CLYBL: variants seen among roughly 807,000 people sequenced by gnomAD.
The protein encoded by CLYBL is citramalyl-CoA lyase, mitochondrial.
CLYBL carries 31 observed loss-of-function variants against 38.9 expected under a neutral mutation model. The observed-to-expected ratio is 0.80, with a 90% CI of 0.60 to 1.08. The LOEUF is 1.08. Among genes scored for constraint, CLYBL ranks in the 50% least tolerant of loss-of-function variants. CLYBL has a pLI of 0.00. For synonymous variants in CLYBL, 171 were observed against 158.6 expected (o/e 1.08, Z -0.59); for missense variants, 434 against 411.6 (o/e 1.05, Z -0.47).
chr13:99,817,864 C>T (rs536718157), intron 2 of CLYBL, among the ~76,000 whole-genome samples: 60 of 151,848 alleles, frequency 4.0e-4, no homozygotes, highest in African/African-American at 1.3e-3. Context: ...ATTAGTCGGG[C>T]GTGGTGGCAC....
At chr13:99,614,684 A>G (rs939145996) in intron 1 of CLYBL, among the ~76,000 whole-genome samples, 4 of 152,182 alleles carry the variant, frequency 2.6e-5, no homozygotes, top group African/African-American at 9.6e-5. Flanking sequence ...ACATACCGTT[A>G]TCCTGTGGTA....
At chr13:99,737,737 G>A (rs1488204282) in intron 1 of CLYBL, among the ~76,000 whole-genome samples, 3 of 152,208 alleles carry the variant, frequency 2.0e-5, no homozygotes, top group Admixed American at 1.3e-4. Context: ...CAGGTTCCTT[G>A]TTTGTCCCAT....
intron 2 of CLYBL, among the ~76,000 whole-genome samples, chr13:99,856,307 G>A (rs1385754227): frequency 6.6e-6 from 1 of 152,188 alleles, no homozygotes; most frequent in Non-Finnish European, 1.5e-5. Context: ...TTAGGAAGTT[G>A]ATGTTGCCAG....
At chr13:99,882,391 A>G (rs904242488) in intron 7 of CLYBL, among the ~76,000 whole-genome samples, 1 of 152,194 alleles carries the variant, frequency 6.6e-6, no homozygotes, top group Non-Finnish European at 1.5e-5. Context: ...GCGGTGGCTC[A>G]CAGCTATAAT....
chr13:99,908,353 C>G (rs567905532), exon 10 of CLYBL, among the ~76,000 whole-genome samples: 1 of 152,262 alleles, frequency 6.6e-6, no homozygotes, highest in East Asian at 1.9e-4. Context: ...GTTCCTGCTT[C>G]CAAGCAGCAT....
intron 2 of CLYBL, among the ~76,000 whole-genome samples, chr13:99,802,933 T>C (rs2050163841): frequency 6.6e-6 from 1 of 152,210 alleles, no homozygotes; most frequent in Non-Finnish European, 1.5e-5. Context: ...CTGGACACTC[T>C]GCAGGCAGGG....
At chr13:99,637,965 T>A (rs192307143) in intron 1 of CLYBL, among the ~76,000 whole-genome samples, 1 of 126,488 alleles carries the variant, frequency 7.9e-6, no homozygotes, top group African/African-American at 4.1e-5. Flanking sequence ...ACAGTGCCTT[T>A]TTTTTTTTTT....
intron 1 of CLYBL, among the ~76,000 whole-genome samples, chr13:99,768,186 C>CT (rs2049306434): frequency 4.8e-5 from 4 of 83,946 alleles, no homozygotes; most frequent in African/African-American, 9.0e-5. Flanking sequence ...CAAGTCTTTT[C>CT]TTTTTCTTTT....
intron 7 of CLYBL, among the ~76,000 whole-genome samples, chr13:99,873,571 C>T (rs2139265206): frequency 6.6e-6 from 1 of 152,134 alleles, no homozygotes; most frequent in Admixed American, 6.5e-5. Flanking sequence ...TAGAAATGAC[C>T]CAAGAAGGAA....
intron 2 of CLYBL, among the ~76,000 whole-genome samples, chr13:99,787,015 T>C (rs551824762): frequency 1.3e-5 from 2 of 152,180 alleles, no homozygotes. Context: ...CTTTTGAGAA[T>C]TGTCTGTTCA....
intron 1 of CLYBL, among the ~76,000 whole-genome samples, chr13:99,737,786 C>T (rs1268292343): frequency 6.6e-6 from 1 of 152,186 alleles, no homozygotes; most frequent in Non-Finnish European, 1.5e-5. Flanking sequence ...ATGTGCTAGG[C>T]TGTAAGCTGA....
intron 1 of CLYBL, among the ~76,000 whole-genome samples, chr13:99,696,626 G>GC (rs559859158): frequency 2.6e-5 from 4 of 152,124 alleles, no homozygotes; most frequent in Admixed American, 2.6e-4. Flanking sequence ...ATCCTAGGAG[G>GC]CCTAGACTTG....
At chr13:99,867,001 CGGG>C (rs1253746027) in intron 6 of CLYBL, among the ~76,000 whole-genome samples, 3 of 152,178 alleles carry the variant, frequency 2.0e-5, no homozygotes, top group African/African-American at 7.2e-5. Context: ...GGGGCACAGG[CGGG>C]TATCTGTTGA....
rs3033584 is a variant in CLYBL at position 99,797,560 on chromosome 13, T to TTGTGTGTG, written c.249+24574_249+24581dup. 8.7e-3 allele frequency among the ~76,000 whole-genome samples: 1,231 copies of TTGTGTGTG among 141,782 alleles called. 18 individuals are homozygous for TTGTGTGTG. Among genetic ancestry groups the TTGTGTGTG allele is most frequent in the South Asian group, 0.014 (59 of 4,224 alleles). 93.0% of individuals were successfully genotyped at this position (141,782 alleles called of 152,430 possible). On this transcript the variant is annotated intron_variant, in intron 2 of 8. Transcript: ENST00000339105. ...TTTCTGTGTCTGCCATGTTAGCTGT[T>TTGTGTGTG]TGTGTGTGTGTGTGTGTGTGTGTGT...
intron 1 of CLYBL, among the ~76,000 whole-genome samples, chr13:99,621,266 C>T (rs966507647): frequency 5.3e-5 from 8 of 152,136 alleles, no homozygotes; most frequent in East Asian, 1.9e-4. Context: ...GTGGCATGTA[C>T]GCACCTCCTC....
At chr13:99,832,868 G>A (rs2050833926) in intron 2 of CLYBL, among the ~76,000 whole-genome samples, 1 of 148,880 alleles carries the variant, frequency 6.7e-6, no homozygotes, top group Admixed American at 6.7e-5. Flanking sequence ...GGAGGGGAGA[G>A]AAGGAAGAAA....
chr13:99,737,976 A>T (rs2048694313), intron 1 of CLYBL, among the ~76,000 whole-genome samples: 1 of 152,200 alleles, frequency 6.6e-6, no homozygotes, highest in Admixed American at 6.5e-5. Flanking sequence ...AATGAGCTTC[A>T]TGGTAATTGA....
At chr13:99,720,117 T>G (rs1304421498) in intron 1 of CLYBL, among the ~76,000 whole-genome samples, 1 of 151,796 alleles carries the variant, frequency 6.6e-6, no homozygotes, top group Non-Finnish European at 1.5e-5. Flanking sequence ...TTTATTTATT[T>G]TATTATAGTT....
chr13:99,694,635 C>T (rs9557282), intron 1 of CLYBL, among the ~76,000 whole-genome samples: 42,586 of 151,996 alleles, frequency 0.28, 7,102 homozygotes, highest in East Asian at 0.55. Context: ...ATTGCTGGCC[C>T]GCTTGCTTCA....
Sources: gnomAD v4.1 joint callset for allele counts (sites outside exome capture counted in the v4.1 genomes callset) on GRCh38, gnomAD v4.1.1 for gene constraint, MANE v1.5 for transcripts, NCBI Gene and HGNC (gene_info 2026-07-23, HGNC 2026-07-21) for gene names.